Variants in WDR64 observed in about 807,000 individuals in gnomAD.
WDR64 encodes the protein WD repeat domain 64.
Under a neutral mutation model 139.3 loss-of-function variants are expected in WDR64, and 112 were observed. That is an observed-to-expected ratio of 0.80 (90% CI 0.69 to 0.94). The LOEUF (loss-of-function observed/expected upper bound fraction) is 0.94, where lower values mean the gene tolerates loss of function less well. Ranked by LOEUF, WDR64 falls within the 40% of genes least tolerant of loss-of-function variation. WDR64 has a pLI of 0.00. For missense variants in WDR64, 1,206 were observed against 1,293.1 expected (o/e 0.93, Z 1.03); for synonymous variants, 444 against 437.7 (o/e 1.01, Z -0.18).
chr1:241,750,231 T>G (rs1669928873), intron 14 of WDR64, among the ~76,000 whole-genome samples: 1 of 152,212 alleles, frequency 6.6e-6, no homozygotes, highest in Admixed American at 6.5e-5. Context: ...CCTATGACTC[T>G]ATTACCACCT....
At chr1:241,702,521 G>GAA (rs11338254) in intron 8 of WDR64, among the ~76,000 whole-genome samples, 9 of 141,954 alleles carry the variant, frequency 6.3e-5, no homozygotes, top group African/African-American at 2.1e-4. Context: ...AAATTTAAAG[G>GAA]AAAAAAAAAA....
chr1:241,708,718 T>C (rs894893445), intron 8 of WDR64, among the ~76,000 whole-genome samples: 2 of 146,070 alleles, frequency 1.4e-5, no homozygotes, highest in Admixed American at 6.8e-5. Context: ...TTTTGTTTTT[T>C]TTTTTAAGGA....
At chr1:241,655,828 C>G (rs542179391) in intron 1 of WDR64, among the ~76,000 whole-genome samples, 2 of 151,946 alleles carry the variant, frequency 1.3e-5, no homozygotes, top group Non-Finnish European at 2.9e-5. Flanking sequence ...TGTTCATGCA[C>G]TTTATTGCCA....
chr1:241,740,386 T>C (rs1369776742), intron 11 of WDR64, among the ~76,000 whole-genome samples: 1 of 152,236 alleles, frequency 6.6e-6, no homozygotes, highest in South Asian at 2.1e-4. Flanking sequence ...TCTGCTCACA[T>C]TTCCATGTTA....
intron 11 of WDR64, among the ~76,000 whole-genome samples, chr1:241,740,064 T>C (rs992328076): frequency 1.3e-5 from 2 of 152,220 alleles, no homozygotes; most frequent in African/African-American, 4.8e-5. Context: ...GAGGTAGTAA[T>C]TATTTTTTCT....
chr1:241,687,640 G>A, intron 8 of WDR64, 45 bp downstream of exon 8: 2 of 1,545,210 alleles, frequency 1.3e-6, no homozygotes, highest in East Asian at 2.3e-5. Context: ...TGAATTTCAA[G>A]CTTTTTACAA....
chr1:241,719,036 A>G (rs953418691), intron 9 of WDR64, among the ~76,000 whole-genome samples: 10 of 152,140 alleles, frequency 6.6e-5, no homozygotes, highest in African/African-American at 1.4e-4. Flanking sequence ...CTCAATTGCA[A>G]TTCTTAAGAA....
At chr1:241,678,364 CA>C (rs749293412) in intron 5 of WDR64, 148 bp downstream of exon 5, 12 of 390,544 alleles carry the variant, frequency 3.1e-5, no homozygotes, top group South Asian at 2.9e-4. Context: ...TGACTAGGAT[CA>C]AACCTAAGCC....
At chr1:241,710,060 G>T (rs909980525) in intron 8 of WDR64, among the ~76,000 whole-genome samples, 1 of 145,704 alleles carries the variant, frequency 6.9e-6, no homozygotes, top group African/African-American at 2.6e-5. Context: ...TTTTAAAAAA[G>T]AAAAGAAAAA....
In WDR64 at chr1:241,673,674, G is replaced by A. The variant is rs139682092; in HGVS notation, c.380-970G>A. Reference sequence around the variant, plus strand: ...TTCTCTGTTGAGATACACGGATGAGGGTGGTAATACTAGGGTATGACACCT... The same window carrying A: ...TTCTCTGTTGAGATACACGGATGAGAGTGGTAATACTAGGGTATGACACCT... On this transcript the variant is annotated intron_variant, in intron 3 of 27. Transcript: ENST00000437684. 3.0e-3 allele frequency among the ~76,000 whole-genome samples: 456 copies of A among 152,296 alleles called. 5 individuals are homozygous for A. Among genetic ancestry groups the A allele is most frequent in the Middle Eastern group, 0.014 (4 of 294 alleles).
intron 26 of WDR64, 128 bp from the exon 27 acceptor site, chr1:241,796,129 A>T (rs1409338046): frequency 6.2e-6 from 3 of 480,214 alleles, no homozygotes; most frequent in Non-Finnish European, 1.1e-5. Flanking sequence ...AATGCTGAGC[A>T]ACTGGGAAGA....
chr1:241,676,745 GTT>G (rs11342790), intron 4 of WDR64, among the ~76,000 whole-genome samples: 5,905 of 124,380 alleles, frequency 0.047, 110 homozygotes, highest in Non-Finnish European at 0.062. Context: ...AAAATTAATG[GTT>G]TTTTTTTTTT....
intron 1 of WDR64, among the ~76,000 whole-genome samples, chr1:241,655,099 T>C (rs1041582239): frequency 6.6e-6 from 1 of 152,136 alleles, no homozygotes; most frequent in African/African-American, 2.4e-5. Flanking sequence ...GTAATAGTCT[T>C]CTTGGCCAGG....
chr1:241,666,157 A>G (rs1406731664), intron 2 of WDR64, among the ~76,000 whole-genome samples: 1 of 152,000 alleles, frequency 6.6e-6, no homozygotes, highest in African/African-American at 2.4e-5. Flanking sequence ...TAATAGTCAT[A>G]ATATATATAT....
intron 14 of WDR64, among the ~76,000 whole-genome samples, chr1:241,755,531 T>C (rs1367308150): frequency 1.3e-5 from 2 of 152,254 alleles, no homozygotes; most frequent in African/African-American, 2.4e-5. Context: ...CTGATGATAG[T>C]TTCTTTTGCT....
chr1:241,705,221 T>C (rs1667886174), intron 8 of WDR64, among the ~76,000 whole-genome samples: 2 of 152,090 alleles, frequency 1.3e-5, no homozygotes, highest in Non-Finnish European at 2.9e-5. Context: ...CGCTTCCTCA[T>C]GGAGAATTTA....
intron 9 of WDR64, among the ~76,000 whole-genome samples, chr1:241,720,791 C>A (rs1668580353): frequency 6.6e-6 from 1 of 151,958 alleles, no homozygotes; most frequent in African/African-American, 2.4e-5. Flanking sequence ...TGTGCAGAAG[C>A]TCCTTAATTA....
At chr1:241,690,614 T>C (rs1490130370) in intron 8 of WDR64, among the ~76,000 whole-genome samples, 15 of 152,150 alleles carry the variant, frequency 9.9e-5, no homozygotes, top group Admixed American at 9.8e-4. Context: ...TTAGAAGACC[T>C]ACCAGCCTAG....
intron 10 of WDR64, among the ~76,000 whole-genome samples, chr1:241,731,295 G>T (rs1669068547): frequency 1.3e-5 from 2 of 151,660 alleles, no homozygotes; most frequent in Admixed American, 1.3e-4. Context: ...GATCACTTGA[G>T]CTCAGGAGTT....
Sources: gnomAD v4.1 joint callset for allele counts (sites outside exome capture counted in the v4.1 genomes callset) on GRCh38, gnomAD v4.1.1 for gene constraint, MANE v1.5 for transcripts, NCBI Gene and HGNC (gene_info 2026-07-23, HGNC 2026-07-21) for gene names.